The following XYLT1 variants were observed in gnomAD, a reference collection of about 807,000 sequenced individuals.
XYLT1 encodes the protein beta-D-xylosyltransferase 1.
A neutral mutation model predicts 91.3 loss-of-function variants in XYLT1; 36 were observed. That is an observed-to-expected ratio of 0.39 (90% CI 0.30 to 0.52). The LOEUF is 0.52. Among genes scored for constraint, XYLT1 ranks in the 20% least tolerant of loss-of-function variants. XYLT1 has a pLI of 0.68. For missense variants in XYLT1, 1,242 were observed against 1,284.5 expected (o/e 0.97, Z 0.51); for synonymous variants, 588 against 532.0 (o/e 1.11, Z -1.45).
At chr16:17,333,655 T>C (rs1207908102) in intron 2 of XYLT1, among the ~76,000 whole-genome samples, 2 of 151,000 alleles carry the variant, frequency 1.3e-5, no homozygotes, top group Non-Finnish European at 2.9e-5. Flanking sequence ...TGGAGCCATC[T>C]GGGCTCACTG....
At chr16:17,367,768 A>T (rs1282629157) in intron 1 of XYLT1, among the ~76,000 whole-genome samples, 1 of 152,194 alleles carries the variant, frequency 6.6e-6, no homozygotes, top group Non-Finnish European at 1.5e-5. Context: ...CGAGGAGCAG[A>T]TATTATTAAT....
chr16:17,203,992 T>A (rs2032592232), intron 3 of XYLT1, among the ~76,000 whole-genome samples: 1 of 152,212 alleles, frequency 6.6e-6, no homozygotes. Flanking sequence ...GCATCCATTG[T>A]TATTTGACCC....
chr16:17,307,756 C>A (rs1386340872), intron 2 of XYLT1, among the ~76,000 whole-genome samples: 1 of 152,160 alleles, frequency 6.6e-6, no homozygotes, highest in Non-Finnish European at 1.5e-5. Flanking sequence ...TACCCAGGGC[C>A]TTCCTGCACC....
intron 2 of XYLT1, among the ~76,000 whole-genome samples, chr16:17,340,997 A>T (rs8058338): frequency 3.4e-4 from 52 of 152,258 alleles, no homozygotes; most frequent in African/African-American, 1.2e-3. Flanking sequence ...AAGATTATAA[A>T]GATGGACAAT....
intron 6 of XYLT1, 56 bp from the exon 7 acceptor site, chr16:17,141,425 G>A: frequency 6.5e-7 from 1 of 1,541,604 alleles, no homozygotes; most frequent in Non-Finnish European, 8.9e-7. Flanking sequence ...CAGAACTCCA[G>A]CCAGAGTCCA....
chr16:17,181,262 C>G (rs1316593990), intron 5 of XYLT1, among the ~76,000 whole-genome samples: 1 of 152,170 alleles, frequency 6.6e-6, no homozygotes, highest in African/African-American at 2.4e-5. Flanking sequence ...CAACTACCTT[C>G]CTCACTCTCA....
chr16:17,260,454 G>T (rs1260743756), intron 2 of XYLT1, among the ~76,000 whole-genome samples: 2 of 152,096 alleles, frequency 1.3e-5, no homozygotes, highest in Non-Finnish European at 2.9e-5. Context: ...AAGAGTAATG[G>T]CTCCATATAG....
At chr16:17,298,153 C>T (rs183041119) in intron 2 of XYLT1, among the ~76,000 whole-genome samples, 3 of 152,242 alleles carry the variant, frequency 2.0e-5, no homozygotes, top group Admixed American at 2.0e-4. Flanking sequence ...CAAGAGAAAA[C>T]CAGACCCTCC....
intron 1 of XYLT1, among the ~76,000 whole-genome samples, chr16:17,425,428 G>T (rs1267096017): frequency 6.6e-6 from 1 of 151,866 alleles, no homozygotes; most frequent in South Asian, 2.1e-4. Context: ...TCCAAATGTC[G>T]ACCCACTCTA....
intron 9 of XYLT1, among the ~76,000 whole-genome samples, chr16:17,128,667 A>C (rs535691632): frequency 6.6e-6 from 1 of 152,320 alleles, no homozygotes; most frequent in Admixed American, 6.5e-5. Context: ...CATACATGCA[A>C]AAGTGGTTTG....
At chr16:17,140,361 G>A (rs367660801) in intron 7 of XYLT1, among the ~76,000 whole-genome samples, 14 of 152,176 alleles carry the variant, frequency 9.2e-5, no homozygotes, top group East Asian at 3.9e-4. Flanking sequence ...TGAAGGATGC[G>A]TCAAAAGTTG....
chr16:17,258,991 C>G lies in XYLT1; in HGVS notation c.910G>C (p.Glu304Gln), dbSNP rs373241882. ...AGCCAGCGGGGTTGGAACTTACCCT[C>G]GAGGGGGCAGAACCGAGTCACCTTC... ...PEKVTRFCPL[E>Q]GKANKNVQWD... Residue 304 changes from glutamate (E) to glutamine (Q), a missense_variant, in exon 3 of 12, where the codon GAG becomes CAG. Transcript: ENST00000261381. The G allele has an allele frequency of 4.0e-6, 6 of 1,497,922 alleles. No individual in the cohort carries two copies. In the South Asian group the frequency reaches 8.5e-5, roughly 21 times the overall value. 92.8% of individuals were successfully genotyped at this position (1,497,922 alleles called of 1,614,324 possible).
intron 1 of XYLT1, among the ~76,000 whole-genome samples, chr16:17,358,742 A>C (rs2035340569): frequency 6.6e-6 from 1 of 152,196 alleles, no homozygotes; most frequent in Admixed American, 6.5e-5. Flanking sequence ...CCGTAAGAGG[A>C]TTAGGAATAA....
At chr16:17,241,523 G>A (rs371024867) in intron 3 of XYLT1, among the ~76,000 whole-genome samples, 4 of 152,316 alleles carry the variant, frequency 2.6e-5, no homozygotes, top group Admixed American at 1.3e-4. Context: ...GTGTGAGTGC[G>A]TGAGTGCATG....
intron 2 of XYLT1, among the ~76,000 whole-genome samples, chr16:17,352,964 A>T (rs949327442): frequency 6.6e-6 from 1 of 152,180 alleles, no homozygotes; most frequent in Non-Finnish European, 1.5e-5. Flanking sequence ...ACAATTTCTC[A>T]AGTATTAACT....
intron 5 of XYLT1, among the ~76,000 whole-genome samples, chr16:17,167,846 G>A (rs552756871): frequency 1.0e-3 from 158 of 151,664 alleles, no homozygotes; most frequent in African/African-American, 3.7e-3. Context: ...CTTCCATCTC[G>A]TGCATGGATT....
chr16:17,244,582 T>C (rs2033404242), intron 3 of XYLT1, among the ~76,000 whole-genome samples: 1 of 152,226 alleles, frequency 6.6e-6, no homozygotes, highest in African/African-American at 2.4e-5. Context: ...TCAGATGCTC[T>C]GTAGCAGCCA....
chr16:17,210,659 C>G (rs1029158976), intron 3 of XYLT1, among the ~76,000 whole-genome samples: 1 of 152,162 alleles, frequency 6.6e-6, no homozygotes, highest in African/African-American at 2.4e-5. Context: ...TGATCTTCCC[C>G]CTTCAGCCTC....
intron 2 of XYLT1, among the ~76,000 whole-genome samples, chr16:17,314,874 C>T (rs375027095): frequency 2.0e-4 from 31 of 152,288 alleles, no homozygotes; most frequent in African/African-American, 7.5e-4. Context: ...AAAGTTCAGT[C>T]CTGGTACGAG....
Sources: gnomAD v4.1 joint callset for allele counts (sites outside exome capture counted in the v4.1 genomes callset) on GRCh38, gnomAD v4.1.1 for gene constraint, MANE v1.5 for transcripts, NCBI Gene and HGNC (gene_info 2026-07-23, HGNC 2026-07-21) for gene names.